Variants in RABGAP1L observed in about 807,000 individuals in gnomAD.
The protein encoded by RABGAP1L is RAB GTPase activating protein 1 like.
Under a neutral mutation model 137.7 loss-of-function variants are expected in RABGAP1L, and 63 were observed. The ratio of observed to expected loss-of-function variants is 0.46; its 90% CI spans 0.37 to 0.56. The LOEUF (loss-of-function observed/expected upper bound fraction) is 0.56, where lower values mean the gene tolerates loss of function less well. Ranked by LOEUF, RABGAP1L falls within the 20% of genes least tolerant of loss-of-function variation. RABGAP1L has a pLI of 0.00. For missense variants in RABGAP1L, 1,095 were observed against 1,244.0 expected (o/e 0.88, Z 1.80); for synonymous variants, 431 against 433.7 (o/e 0.99, Z 0.08).
Position 174,969,350 on chromosome 1 carries a change from T to C in RABGAP1L, c.2507T>C (p.Val836Ala). Residue 836 changes from valine to alanine, a missense_variant, in exon 21 of 26, where the codon GTA (valine) becomes GCA (alanine). Val to Ala is a moderately conservative substitution (Grantham distance 64). Around this residue, in one of 4 missense-constraint regions of RABGAP1L, gnomAD observed 312 missense variants for 435.6 expected, o/e 0.72. Transcript: ENST00000681986. ...QENDDLAHEL[V>A]TSKIALRNDL... The stretch of plus-strand genomic sequence containing the variant: ...AATGATGACCTTGCCCATGAACTAG[T>C]AACAAGCAAAATTGCTCTACGGAAT... 1 of 1,550,656 alleles carries C rather than the reference T, an allele frequency of 6.4e-7. No individual in the cohort carries two copies. Among genetic ancestry groups the C allele is most frequent in the Non-Finnish European group, 8.7e-7 (1 of 1,146,936 alleles).
At chr1:174,528,121 G>A (rs1442697916) in intron 13 of RABGAP1L, among the ~76,000 whole-genome samples, 1 of 151,446 alleles carries the variant, frequency 6.6e-6, no homozygotes, top group Non-Finnish European at 1.5e-5. Flanking sequence ...TCTATTAAGT[G>A]AAGAGTTTAA....
intron 17 of RABGAP1L, among the ~76,000 whole-genome samples, chr1:174,741,061 G>A (rs974018030): frequency 8.9e-6 from 1 of 112,438 alleles, no homozygotes; most frequent in Non-Finnish European, 2.0e-5. Context: ...TTTTTTTTGT[G>A]TGTGGGAGCT....
At chr1:174,615,680 G>C (rs1175113726) in intron 13 of RABGAP1L, among the ~76,000 whole-genome samples, 3 of 152,234 alleles carry the variant, frequency 2.0e-5, no homozygotes, top group Admixed American at 2.0e-4. Flanking sequence ...TGCCCCCAGA[G>C]GTGGAGCCTA....
chr1:174,553,077 TG>T (rs1266687967), intron 13 of RABGAP1L, among the ~76,000 whole-genome samples: 5 of 152,228 alleles, frequency 3.3e-5, no homozygotes, highest in East Asian at 1.9e-4. Flanking sequence ...TTAATGAGGT[TG>T]TTTTTTTCTT....
chr1:174,169,110 T>G (rs1280496885), intron 1 of RABGAP1L, among the ~76,000 whole-genome samples: 1 of 152,250 alleles, frequency 6.6e-6, no homozygotes, highest in Non-Finnish European at 1.5e-5. Flanking sequence ...GACATGCATT[T>G]TATAGTTCTT....
intron 19 of RABGAP1L, among the ~76,000 whole-genome samples, chr1:174,839,119 C>A (rs1693115647): frequency 6.6e-6 from 1 of 150,636 alleles, no homozygotes; most frequent in African/African-American, 2.4e-5. Context: ...GGATGGTCAA[C>A]AAATTGCTGC....
intron 13 of RABGAP1L, among the ~76,000 whole-genome samples, chr1:174,442,300 A>G (rs1299176761): frequency 2.6e-5 from 4 of 152,102 alleles, no homozygotes; most frequent in Non-Finnish European, 5.9e-5. Flanking sequence ...AAGTCAAAAT[A>G]TTTCCCTATA....
intron 16 of RABGAP1L, chr1:174,701,128 CT>C: frequency 7.7e-7 from 1 of 1,304,404 alleles, no homozygotes; most frequent in Non-Finnish European, 1.0e-6. Flanking sequence ...TGAAGGTGGC[CT>C]TTGTCTTTCA....
At chr1:174,963,885 G>C (rs899599504) in intron 20 of RABGAP1L, among the ~76,000 whole-genome samples, 1 of 152,154 alleles carries the variant, frequency 6.6e-6, no homozygotes, top group Non-Finnish European at 1.5e-5. Flanking sequence ...CTGTGCAAGA[G>C]TATAACCTAA....
chr1:174,754,739 C>T (rs2148683063), intron 18 of RABGAP1L, among the ~76,000 whole-genome samples: 1 of 152,206 alleles, frequency 6.6e-6, no homozygotes, highest in East Asian at 1.9e-4. Context: ...TGGACTCAAG[C>T]AGTCCTCCTG....
chr1:174,259,479 C>CT (rs1673398827), intron 7 of RABGAP1L, among the ~76,000 whole-genome samples: 1 of 152,138 alleles, frequency 6.6e-6, no homozygotes, highest in Non-Finnish European at 1.5e-5. Context: ...AACACATATT[C>CT]TTACTCTCTA....
At chr1:174,616,715 C>G (rs1671914267) in intron 13 of RABGAP1L, among the ~76,000 whole-genome samples, 1 of 152,174 alleles carries the variant, frequency 6.6e-6, no homozygotes, top group African/African-American at 2.4e-5. Flanking sequence ...AAAAAGGATA[C>G]TTGACTATGT....
intron 19 of RABGAP1L, among the ~76,000 whole-genome samples, chr1:174,932,985 G>A (rs1664097437): frequency 6.6e-6 from 1 of 152,104 alleles, no homozygotes; most frequent in South Asian, 2.1e-4. Context: ...TAGCAACCAA[G>A]ATCTGTGCAG....
intron 13 of RABGAP1L, among the ~76,000 whole-genome samples, chr1:174,483,384 C>T (rs375815707): frequency 2.6e-4 from 40 of 152,210 alleles, no homozygotes; most frequent in South Asian, 8.3e-4. Flanking sequence ...TGAGAACATG[C>T]GATGTCTGTC....
intron 13 of RABGAP1L, among the ~76,000 whole-genome samples, chr1:174,396,651 C>G (rs144641033): frequency 4.0e-5 from 6 of 151,730 alleles, no homozygotes; most frequent in Non-Finnish European, 7.4e-5. Flanking sequence ...CTGCCATACC[C>G]CTTTTTTCAC....
chr1:174,817,047 T>C (rs988793852), intron 19 of RABGAP1L, among the ~76,000 whole-genome samples: 1 of 152,176 alleles, frequency 6.6e-6, no homozygotes. Context: ...TTTTTTGTTT[T>C]GTTTTGTTTT....
chr1:174,262,792 C>T (rs1021932325), intron 7 of RABGAP1L, among the ~76,000 whole-genome samples: 1 of 152,250 alleles, frequency 6.6e-6, no homozygotes, highest in Non-Finnish European at 1.5e-5. Context: ...CAAATCTGTC[C>T]TCTTAGCTGA....
At chr1:174,216,911 GA>G (rs146163869) in intron 1 of RABGAP1L, among the ~76,000 whole-genome samples, 9,201 of 151,700 alleles carry the variant, frequency 0.061, 972 homozygotes, top group African/African-American at 0.21. Flanking sequence ...TTTATTTTCC[GA>G]AAAAAAATTA....
chr1:174,445,177 CT>C (rs1346693508), intron 13 of RABGAP1L, among the ~76,000 whole-genome samples: 1 of 152,026 alleles, frequency 6.6e-6, no homozygotes, highest in African/African-American at 2.4e-5. Flanking sequence ...TATTTTAATT[CT>C]GACATAATTT....
Sources: gnomAD v4.1 joint callset for allele counts (sites outside exome capture counted in the v4.1 genomes callset) on GRCh38, gnomAD v4.1.1 for gene constraint, gnomAD v4.1.1 regional missense constraint, MANE v1.5 for transcripts, NCBI Gene and HGNC (gene_info 2026-07-23, HGNC 2026-07-21) for gene names.